Variants in KPNA6 observed in about 807,000 individuals in gnomAD.
KPNA6 encodes the protein karyopherin subunit alpha 6.
A neutral mutation model predicts 72.0 loss-of-function variants in KPNA6; 9 were observed. That is an observed-to-expected ratio of 0.13 (90% CI 0.08 to 0.22). The LOEUF is 0.22. Ranked by LOEUF, KPNA6 falls within the 10% of genes least tolerant of loss-of-function variation. The pLI is 1.00. For missense variants in KPNA6, 374 were observed against 655.7 expected (o/e 0.57, Z 4.69); for synonymous variants, 219 against 242.1 (o/e 0.90, Z 0.89).
rs1641234854 is a variant in KPNA6, at chr1:32,110,922, A to C, written c.4+2788A>C. On this transcript the variant is annotated intron_variant, in intron 1 of 13. Transcript: ENST00000373625. ...AATAAACAAACAAAAAACAGATAAC[A>C]GTGTTTGGAGCCTAAAGGGCTCCAT... 2.0e-5 allele frequency among the ~76,000 whole-genome samples: 3 copies of C among 152,248 alleles called. No individual in the cohort carries two copies. In the South Asian group the frequency reaches 6.2e-4, roughly 32 times the overall value.
At chr1:32,140,388 G>GAA (rs536928833) in intron 1 of KPNA6, among the ~76,000 whole-genome samples, 1 of 145,916 alleles carries the variant, frequency 6.9e-6, no homozygotes, top group African/African-American at 2.5e-5. Flanking sequence ...TGTCTCAGGA[G>GAA]AAAAAAAAAA....
chr1:32,132,914 A>G (rs913210253), intron 1 of KPNA6, among the ~76,000 whole-genome samples: 10 of 149,578 alleles, frequency 6.7e-5, no homozygotes, highest in African/African-American at 2.2e-4. Flanking sequence ...AAGAAAAAAT[A>G]TATACATATG....
At chr1:32,122,746 A>G (rs1158682338) in intron 1 of KPNA6, among the ~76,000 whole-genome samples, 1 of 152,120 alleles carries the variant, frequency 6.6e-6, no homozygotes, top group African/African-American at 2.4e-5. Context: ...ACCTGAGGCC[A>G]GGAGTTGGAG....
intron 1 of KPNA6, among the ~76,000 whole-genome samples, chr1:32,111,848 TA>T (rs1641248311): frequency 6.6e-6 from 1 of 152,202 alleles, no homozygotes; most frequent in Non-Finnish European, 1.5e-5. Context: ...AGGTGCCCTG[TA>T]GGGGTGATAT....
At chr1:32,144,355 G>T (rs982252828) in intron 1 of KPNA6, among the ~76,000 whole-genome samples, 3 of 152,148 alleles carry the variant, frequency 2.0e-5, no homozygotes, top group African/African-American at 7.2e-5. Flanking sequence ...TAAAACTTAT[G>T]AATTGTTTTT....
chr1:32,141,835 G>A (rs1282574588), intron 1 of KPNA6, among the ~76,000 whole-genome samples: 1 of 152,174 alleles, frequency 6.6e-6, no homozygotes, highest in Non-Finnish European at 1.5e-5. Flanking sequence ...ACTGGCAGGA[G>A]TCGGTGCCTT....
At chr1:32,167,853 CAAA>C (rs376077938) in intron 12 of KPNA6, among the ~76,000 whole-genome samples, 2 of 80,042 alleles carry the variant, frequency 2.5e-5, no homozygotes, top group Non-Finnish European at 2.9e-5. Flanking sequence ...GAGTCTGTCA[CAAA>C]AAAAAAAAAA....
intron 1 of KPNA6, among the ~76,000 whole-genome samples, chr1:32,130,066 G>A (rs1435144912): frequency 6.6e-6 from 1 of 152,092 alleles, no homozygotes; most frequent in East Asian, 1.9e-4. Context: ...GTGAGTCTAA[G>A]CTAATAATCA....
At position 32,157,461 on chromosome 1, in the gene KPNA6, C is replaced by G; in HGVS notation, c.331+16C>G. ...CTCTCCAAAGGTACAAAGCCTGGCC[C>G]TTGTCAGAGAGGCCTTATATGATTT... On this transcript the variant is annotated intron_variant, in intron 4 of 13. Transcript: ENST00000373625. 1.3e-6 allele frequency: 2 copies of G among 1,583,484 alleles called. No homozygotes were observed. The highest frequency in any genetic ancestry group is 3.3e-5 in the Admixed American group (2 of 59,898).
chr1:32,144,451 A>G (rs1641897117), intron 1 of KPNA6, among the ~76,000 whole-genome samples: 1 of 152,214 alleles, frequency 6.6e-6, no homozygotes, highest in Non-Finnish European at 1.5e-5. Context: ...ATAAGGGAGA[A>G]ATCGTATAAA....
chr1:32,131,108 A>G (rs533937488), intron 1 of KPNA6, among the ~76,000 whole-genome samples: 1 of 152,248 alleles, frequency 6.6e-6, no homozygotes, highest in African/African-American at 2.4e-5. Context: ...AGCCTGGCCA[A>G]CATGGTGAAA....
At chr1:32,162,234 C>A in intron 8 of KPNA6, 127 bp from the exon 9 acceptor site, 1 of 1,006,444 alleles carries the variant, frequency 9.9e-7, no homozygotes, top group Non-Finnish European at 1.5e-6. Flanking sequence ...AATGTAGTAG[C>A]GATCCCTAGG....
chr1:32,116,101 A>C (rs1363792108), intron 1 of KPNA6, among the ~76,000 whole-genome samples: 2 of 152,020 alleles, frequency 1.3e-5, no homozygotes, highest in African/African-American at 2.4e-5. Flanking sequence ...GCTTTGGTTT[A>C]AGGCAGTATT....
intron 1 of KPNA6, among the ~76,000 whole-genome samples, chr1:32,153,697 A>G (rs1422820736): frequency 8.5e-5 from 13 of 152,230 alleles, no homozygotes; most frequent in Admixed American, 8.5e-4. Flanking sequence ...GGGATATGCA[A>G]ATAATCATCT....
intron 1 of KPNA6, among the ~76,000 whole-genome samples, chr1:32,132,399 G>A (rs1641654534): frequency 6.6e-6 from 1 of 152,190 alleles, no homozygotes. Flanking sequence ...CAAGGGCTCA[G>A]GCAATCCTCC....
At chr1:32,153,329 G>A (rs1337393220) in intron 1 of KPNA6, among the ~76,000 whole-genome samples, 4 of 152,064 alleles carry the variant, frequency 2.6e-5, no homozygotes, top group African/African-American at 4.8e-5. Context: ...ACTTTGGGAG[G>A]CCGAGGCAGG....
intron 1 of KPNA6, among the ~76,000 whole-genome samples, chr1:32,132,039 C>T (rs1428509907): frequency 1.3e-5 from 2 of 151,622 alleles, no homozygotes; most frequent in Non-Finnish European, 2.9e-5. Flanking sequence ...GGCGTAATCT[C>T]GGCTCACTGC....
In KPNA6 at chr1:32,174,553, C is replaced by T. The variant is rs1642494457; in HGVS notation, c.*3659C>T. 1 of 152,324 alleles carries T rather than the reference C, an allele frequency of 6.6e-6. No homozygotes were observed. Among genetic ancestry groups the T allele is most frequent in the African/African-American group, 2.4e-5 (1 of 41,550 alleles). The allele number at this position is 152,324 out of a possible 1,614,324, so 9.4% of individuals were successfully genotyped here. On this transcript the variant is annotated 3_prime_UTR_variant, in exon 14 of 14. Transcript: ENST00000373625. ...CCTCTCATACACCTCTTTGAAGGCC[C>T]CAGCTCTTTTGTTCAGGCCTCTCTT...
chr1:32,150,313 A>G (rs1471043562), intron 1 of KPNA6, among the ~76,000 whole-genome samples: 2 of 151,514 alleles, frequency 1.3e-5, no homozygotes, highest in Non-Finnish European at 2.9e-5. Flanking sequence ...TTATATTTTT[A>G]GTAGAGACAG....
Sources: allele counts gnomAD v4.1 joint callset (sites outside exome capture counted in the v4.1 genomes callset), GRCh38; gene constraint gnomAD v4.1.1; transcripts MANE v1.5; gene names NCBI Gene and HGNC (gene_info 2026-07-23, HGNC 2026-07-21).